The following ENTREP2 variants were observed in gnomAD, a reference collection of about 807,000 sequenced individuals.
The protein encoded by ENTREP2 is endosomal transmembrane epsin interactor 2.
At chr15:29,226,684 G>T in the ENTREP2 span, among the ~76,000 whole-genome samples, 1 of 152,192 alleles carries the variant, frequency 6.6e-6, no homozygotes, top group African/African-American at 2.4e-5. Flanking sequence ...GAGGACCCTG[G>T]CGACATAATT....
At chr15:29,511,044 G>A in the ENTREP2 span, among the ~76,000 whole-genome samples, 40 of 152,162 alleles carry the variant, frequency 2.6e-4, 1 homozygote, top group African/African-American at 5.8e-4. Context: ...CTGTCGGTGC[G>A]GTGGGGGGCA....
chr15:29,530,631 G>A, the ENTREP2 span, among the ~76,000 whole-genome samples: 4 of 152,198 alleles, frequency 2.6e-5, no homozygotes, highest in Admixed American at 1.3e-4. Context: ...TGCGGCTGCC[G>A]TCATGTCTGT....
chr15:29,250,788 G>C, the ENTREP2 span, among the ~76,000 whole-genome samples: 1 of 152,204 alleles, frequency 6.6e-6, no homozygotes, highest in Non-Finnish European at 1.5e-5. Flanking sequence ...AAGATGGCAA[G>C]TTATCCTTTC....
the ENTREP2 span, among the ~76,000 whole-genome samples, chr15:29,313,085 T>C: frequency 6.6e-6 from 1 of 152,170 alleles, no homozygotes; most frequent in Admixed American, 6.5e-5. Flanking sequence ...TAAGCCAAAA[T>C]CTGATCCACA....
chr15:29,637,990 G>C, the ENTREP2 span, among the ~76,000 whole-genome samples: 1 of 152,204 alleles, frequency 6.6e-6, no homozygotes, highest in African/African-American at 2.4e-5. Context: ...AATGGACATG[G>C]AGTACAAGGA....
chr15:29,436,387 G>A, the ENTREP2 span, among the ~76,000 whole-genome samples: 1 of 152,160 alleles, frequency 6.6e-6, no homozygotes, highest in Non-Finnish European at 1.5e-5. Flanking sequence ...TGCCCATCTG[G>A]CACTGGGGTC....
chr15:29,119,695 A>AAT, the ENTREP2 span, among the ~76,000 whole-genome samples: 3 of 138,146 alleles, frequency 2.2e-5, 1 homozygote, highest in African/African-American at 9.0e-5. Flanking sequence ...AAAAAAAAAA[A>AAT]GAATGAAAAG....
the ENTREP2 span, among the ~76,000 whole-genome samples, chr15:29,377,447 C>T: frequency 6.6e-6 from 1 of 152,118 alleles, no homozygotes; most frequent in African/African-American, 2.4e-5. Flanking sequence ...TGTTAGGAGG[C>T]TACTATATGA....
chr15:29,158,018 A>G, the ENTREP2 span, among the ~76,000 whole-genome samples: 1 of 152,262 alleles, frequency 6.6e-6, no homozygotes. Flanking sequence ...CTCCCGGCCA[A>G]TAGCGACATC....
chr15:29,485,223 A>G, the ENTREP2 span, among the ~76,000 whole-genome samples: 8 of 152,158 alleles, frequency 5.3e-5, no homozygotes, highest in Non-Finnish European at 8.8e-5. Flanking sequence ...AGAAAGGTAA[A>G]ATAAAAGCAG....
At chr15:29,400,086 C>T in the ENTREP2 span, among the ~76,000 whole-genome samples, 1 of 152,162 alleles carries the variant, frequency 6.6e-6, no homozygotes, top group Non-Finnish European at 1.5e-5. Context: ...AGTTTTTATA[C>T]TTTATCCTGA....
chr15:29,450,254 C>A, the ENTREP2 span, among the ~76,000 whole-genome samples: 1 of 152,114 alleles, frequency 6.6e-6, no homozygotes, highest in Non-Finnish European at 1.5e-5. Flanking sequence ...TAATTATGTA[C>A]CATTTGTCAA....
At chr15:29,308,856 A>C in the ENTREP2 span, among the ~76,000 whole-genome samples, 1 of 152,310 alleles carries the variant, frequency 6.6e-6, no homozygotes, top group South Asian at 2.1e-4. Context: ...GCCATGTGAA[A>C]GATGTCCTCC....
the ENTREP2 span, among the ~76,000 whole-genome samples, chr15:29,552,964 T>C: frequency 1.3e-5 from 2 of 152,014 alleles, no homozygotes; most frequent in African/African-American, 2.4e-5. Flanking sequence ...AAAGGAGAAA[T>C]TAAAAGTAGC....
At chr15:29,256,590 G>A in the ENTREP2 span, among the ~76,000 whole-genome samples, 2 of 152,082 alleles carry the variant, frequency 1.3e-5, no homozygotes, top group African/African-American at 2.4e-5. Context: ...CATTCTACCA[G>A]AAATAGTCAA....
At chr15:29,492,434 A>G in the ENTREP2 span, among the ~76,000 whole-genome samples, 3 of 152,238 alleles carry the variant, frequency 2.0e-5, no homozygotes, top group Non-Finnish European at 4.4e-5. Context: ...CATGTGTTAG[A>G]GAGCAAGTCA....
the ENTREP2 span, among the ~76,000 whole-genome samples, chr15:29,340,522 T>C: frequency 0.022 from 3,285 of 152,164 alleles, 54 homozygotes; most frequent in African/African-American, 0.044. Context: ...CCAAATGTGT[T>C]TGCAGCCTCA....
the ENTREP2 span, among the ~76,000 whole-genome samples, chr15:29,390,433 C>A: frequency 6.6e-6 from 1 of 152,128 alleles, no homozygotes; most frequent in South Asian, 2.1e-4. Flanking sequence ...GGAAAAAAAG[C>A]CAAATAGATT....
the ENTREP2 span, among the ~76,000 whole-genome samples, chr15:29,388,881 G>A: frequency 4.1e-5 from 6 of 146,468 alleles, no homozygotes; most frequent in Admixed American, 4.3e-4. Flanking sequence ...ACCAAACACT[G>A]CATGTTCTCA....
Sources: gnomAD v4.1 joint callset for allele counts (sites outside exome capture counted in the v4.1 genomes callset) on GRCh38, gnomAD v4.1.1 for gene constraint, MANE v1.5 for transcripts, NCBI Gene and HGNC (gene_info 2026-07-23, HGNC 2026-07-21) for gene names.